NOTO: variants seen among roughly 807,000 people sequenced by gnomAD.
NOTO encodes the protein homeobox protein notochord.
Under a neutral mutation model 20.5 loss-of-function variants are expected in NOTO, and 19 were observed. The ratio of observed to expected loss-of-function variants is 0.93; its 90% CI spans 0.65 to 1.36. The LOEUF (loss-of-function observed/expected upper bound fraction) is 1.36, where lower values mean the gene tolerates loss of function less well. Ranked by LOEUF, NOTO falls within the 40% of genes most tolerant of loss-of-function variation. NOTO has a pLI of 0.00. For missense variants in NOTO, 369 were observed against 336.2 expected (o/e 1.10, Z -0.76); for synonymous variants, 150 against 150.2 (o/e 1.00, Z 0.01).
chr2:73,208,579 C>T lies in NOTO; in HGVS notation c.562C>T (p.Gln188Ter), dbSNP rs2103695147. The change falls in exon 2 of 3, where the codon CAG becomes TAG. Residue 188 changes from glutamine (Q) to a stop codon, truncating the protein, a stop_gained. Coordinates refer to ENST00000398468, the MANE Select transcript of NOTO (RefSeq NM_001134462.2). LOFTEE classifies it high-confidence loss of function. ...CAATCTGGTGGGGAAGAAGAGAGCC[C>T]AGCTGGCAGCTCGGCTCAAACTTAC... is the stretch of plus-strand genomic sequence containing the variant. ...QHNLVGKKRA[Q>*]LAARLKLTEN... The T allele has an allele frequency of 6.4e-7, 1 of 1,551,270 alleles. No homozygotes were observed. Among genetic ancestry groups the T allele is most frequent in the Non-Finnish European group, 8.7e-7 (1 of 1,146,762 alleles).
chr2:73,209,184 A>G (rs1686131932), intron 2 of NOTO, among the ~76,000 whole-genome samples: 1 of 151,938 alleles, frequency 6.6e-6, no homozygotes, highest in African/African-American at 2.4e-5. Flanking sequence ...CAAAAAAAAA[A>G]AAAAAAAAGA....
rs1227964419 is a variant in NOTO, at chr2:73,208,600, C to G, written c.583C>G (p.Leu195Val). 1.9e-6 allele frequency: 3 copies of G among 1,550,588 alleles called. No individual in the cohort carries two copies. Among genetic ancestry groups the G allele is most frequent in the Non-Finnish European group, 1.7e-6 (2 of 1,146,330 alleles). Residue 195 changes from leucine to valine, a missense_variant, in exon 2 of 3, where the codon CTT (leucine) becomes GTT (valine). Transcript: ENST00000398468. Reference sequence around the variant, plus strand: ...AGCCCAGCTGGCAGCTCGGCTCAAACTTACAGAGAACCAGGTGGGAGTAGG... The same window carrying G: ...AGCCCAGCTGGCAGCTCGGCTCAAAGTTACAGAGAACCAGGTGGGAGTAGG... ...KRAQLAARLK[L>V]TENQVRVWFQ...
chr2:73,209,762 A>C (rs893110899), intron 2 of NOTO, among the ~76,000 whole-genome samples: 2 of 152,122 alleles, frequency 1.3e-5, no homozygotes, highest in Admixed American at 1.3e-4. Context: ...TGGTGATTCC[A>C]CTTAGATGTC....
chr2:73,203,541 A>G (rs1439371193), intron 1 of NOTO, among the ~76,000 whole-genome samples: 1 of 152,070 alleles, frequency 6.6e-6, no homozygotes, highest in African/African-American at 2.4e-5. Flanking sequence ...GGAGCTGGTC[A>G]AGGCTCACAC....
rs373487266 is a variant in NOTO, at chr2:73,208,300, T to C, written c.383-100T>C. The C allele has an allele frequency of 1.1e-5, 8 of 719,558 alleles. No homozygotes were observed. The African/African-American group carries it at 1.4e-4, about 13-fold the overall frequency. 44.6% of individuals were successfully genotyped at this position (719,558 alleles called of 1,614,324 possible). A position where few individuals can be genotyped will look rare whatever the true frequency, so the allele number is the denominator to read the frequency against. On this transcript the variant is annotated intron_variant, in intron 1 of 2. Transcript: ENST00000398468. ...CAAGGGGAAGGCAAGGTAGCAGAGC[T>C]GTGTGTGCCTTCTCATTTTGCCCAG...
intron 1 of NOTO, among the ~76,000 whole-genome samples, chr2:73,205,175 G>C (rs1049537533): frequency 2.0e-5 from 3 of 151,930 alleles, no homozygotes; most frequent in Non-Finnish European, 4.4e-5. Context: ...TGTATAGTTG[G>C]TTATTTAAAA....
chr2:73,207,323 T>G (rs1447463691), intron 1 of NOTO, among the ~76,000 whole-genome samples: 1 of 152,160 alleles, frequency 6.6e-6, no homozygotes, highest in Non-Finnish European at 1.5e-5. Context: ...GCAGTCTGTC[T>G]GCCAGCCCTG....
chr2:73,207,690 G>A lies in NOTO; in HGVS notation c.383-710G>A, dbSNP rs568677295. Among the ~76,000 whole-genome samples the A allele has an allele frequency of 1.3e-4, 20 of 152,202 alleles. No homozygotes were observed. In the South Asian group the frequency reaches 4.1e-3, roughly 32 times the overall value. ...CTGCCTCAGCCTCCTGAGTAGCTGGGATTACAGGCATGTGCCACCATGCCT... is the reference window on the plus strand; with the variant it reads ...CTGCCTCAGCCTCCTGAGTAGCTGGAATTACAGGCATGTGCCACCATGCCT... On this transcript the variant is annotated intron_variant, in intron 1 of 2. Coordinates refer to ENST00000398468, the MANE Select transcript of NOTO (RefSeq NM_001134462.2).
Position 73,203,052 on chromosome 2 carries a change from C to T in NOTO, c.382+4C>T, listed in dbSNP as rs1318395120. The T allele has an allele frequency of 5.1e-6, 7 of 1,378,650 alleles. No individual in the cohort carries two copies. The highest frequency in any genetic ancestry group is 6.5e-6 in the Non-Finnish European group (7 of 1,071,642). 85.4% of individuals were successfully genotyped at this position (1,378,650 alleles called of 1,614,324 possible). On this transcript the variant is annotated splice_donor_region_variant and intron_variant, in intron 1 of 2. Transcript: ENST00000398468. ...CTGCTGGGCTTCGGCGTCACAGGTA[C>T]TGCGGTCCCGGCGCCCGCACGCGGG...
chr2:73,206,262 A>G (rs1686086811), intron 1 of NOTO, among the ~76,000 whole-genome samples: 2 of 152,172 alleles, frequency 1.3e-5, no homozygotes. Context: ...TTTAATTTTT[A>G]TAATAACCAT....
Position 73,202,867 on chromosome 2 carries a change from G to A in NOTO, c.201G>A (p.Gln67=), listed in dbSNP as rs1005362968. The stretch of plus-strand genomic sequence containing the variant: ...ACCCCTGCGCGCCGGCGGCCTCCCA[G>A]CCGTCGGGCTCCGCCTGCGTCCACC... ...RPDPCAPAAS[Q]PSGSACVHPA... Residue 67 remains glutamine (Q), a synonymous_variant, in exon 1 of 3, where the codon CAG becomes CAA. Coordinates refer to ENST00000398468, the MANE Select transcript of NOTO (RefSeq NM_001134462.2). The A allele has an allele frequency of 7.9e-5, 121 of 1,526,462 alleles. No individual in the cohort carries two copies. Among genetic ancestry groups the A allele is most frequent in the Non-Finnish European group, 1.0e-4 (117 of 1,142,208 alleles). 94.6% of individuals were successfully genotyped at this position (1,526,462 alleles called of 1,614,324 possible). A position where few individuals can be genotyped will look rare whatever the true frequency, so the allele number is the denominator to read the frequency against.
At chr2:73,204,759 C>T (rs1433149088) in intron 1 of NOTO, among the ~76,000 whole-genome samples, 1 of 152,154 alleles carries the variant, frequency 6.6e-6, no homozygotes, top group Non-Finnish European at 1.5e-5. Flanking sequence ...GGCTGGAGTG[C>T]AGTGGCGCTA....
rs1164229641 is a variant in NOTO at position 73,202,963 on chromosome 2, G to A, written c.297G>A (p.Leu99=). 1.3e-6 allele frequency: 2 copies of A among 1,511,416 alleles called. No individual in the cohort carries two copies. Among genetic ancestry groups the A allele is most frequent in the Non-Finnish European group, 1.8e-6 (2 of 1,133,488 alleles). 93.6% of individuals were successfully genotyped at this position (1,511,416 alleles called of 1,614,324 possible). Reference sequence around the variant, plus strand: ...CCTGGGCTTGCCCGACATCGTGGCTGCCCGCCTACCTGAGCGTAGGTTTTT... The same window carrying A: ...CCTGGGCTTGCCCGACATCGTGGCTACCCGCCTACCTGAGCGTAGGTTTTT... The part of the protein sequence containing the change: ...GLPWACPTSW[L]PAYLSVGFYP... Residue 99 remains leucine, a synonymous_variant, in exon 1 of 3, where the codon CTG becomes CTA. Transcript: ENST00000398468.
rs1482159176 is a variant in NOTO, at chr2:73,207,873, T to C, written c.383-527T>C. ...CTCAGTGATGACTCCCAAATTTGTA[T>C]CCTCAGCTCAACCCTCTCTTCTGAC... On this transcript the variant is annotated intron_variant, in intron 1 of 2. Coordinates refer to ENST00000398468, the MANE Select transcript of NOTO (RefSeq NM_001134462.2). Among the ~76,000 whole-genome samples the C allele has an allele frequency of 2.0e-5, 3 of 152,268 alleles. No individual in the cohort carries two copies. In the East Asian group the frequency reaches 5.8e-4, roughly 29 times the overall value.
At position 73,210,923 on chromosome 2, in the gene NOTO, C is replaced by T. The variant is rs988096538; in HGVS notation, c.750C>T (p.Asp250=). ...GTGATGATGCCGAGTCAGGAGTGGA[C>T]GGCTGAAGACTGGGACAGAGGCCCT... ...IQSDDAESGV[D]G The change falls in exon 3 of 3, where the codon GAC becomes GAT. Residue 250 remains aspartate (D), a synonymous_variant. Transcript: ENST00000398468. 175 of 1,550,286 alleles carry T rather than the reference C, an allele frequency of 1.1e-4. No individual in the cohort carries two copies. Among genetic ancestry groups the T allele is most frequent in the Non-Finnish European group, 1.4e-4 (162 of 1,146,180 alleles).
intron 1 of NOTO, among the ~76,000 whole-genome samples, chr2:73,206,098 C>A (rs976906699): frequency 6.6e-5 from 10 of 152,114 alleles, no homozygotes; most frequent in Non-Finnish European, 1.2e-4. Flanking sequence ...ATAACTTCCC[C>A]ATTTTTTTCT....
At chr2:73,209,170 GTC>G (rs1686131480) in intron 2 of NOTO, among the ~76,000 whole-genome samples, 2 of 131,622 alleles carry the variant, frequency 1.5e-5, no homozygotes, top group East Asian at 2.2e-4. Flanking sequence ...TGGAGAGCCC[GTC>G]TCAAAAAAAA....
chr2:73,204,879 AT>A (rs888920847), intron 1 of NOTO, among the ~76,000 whole-genome samples: 1 of 79,072 alleles, frequency 1.3e-5, no homozygotes, highest in South Asian at 4.1e-4. Flanking sequence ...AATTTTTTTT[AT>A]TTTTTTATTT....
intron 2 of NOTO, among the ~76,000 whole-genome samples, chr2:73,208,841 T>G (rs1229130904): frequency 6.6e-6 from 1 of 152,094 alleles, no homozygotes; most frequent in African/African-American, 2.4e-5. Context: ...ATTATTAGTC[T>G]AAAAATTGAT....
Sources: allele counts gnomAD v4.1 joint callset (sites outside exome capture counted in the v4.1 genomes callset), GRCh38; gene constraint gnomAD v4.1.1; transcripts MANE v1.5; gene names NCBI Gene and HGNC (gene_info 2026-07-23, HGNC 2026-07-21).